ACSS3: variants seen among roughly 807,000 people sequenced by gnomAD.
The protein encoded by ACSS3 is acyl-CoA synthetase short-chain family member 3, mitochondrial.
Under a neutral mutation model 84.2 loss-of-function variants are expected in ACSS3, and 64 were observed. The observed-to-expected ratio is 0.76, with a 90% CI of 0.62 to 0.94. ACSS3 has a LOEUF of 0.94. Ranked by LOEUF, ACSS3 falls within the 40% of genes least tolerant of loss-of-function variation. The pLI is 0.00. For synonymous variants in ACSS3, 317 were observed against 310.1 expected (o/e 1.02, Z -0.23); for missense variants, 815 against 867.6 (o/e 0.94, Z 0.76).
intron 1 of ACSS3, among the ~76,000 whole-genome samples, chr12:81,097,022 G>A (rs186688435): frequency 6.6e-6 from 1 of 152,218 alleles, no homozygotes; most frequent in Non-Finnish European, 1.5e-5. Flanking sequence ...AGCCAAGTGT[G>A]GCTATTGAGC....
chr12:81,108,603 C>T (rs1883292100), intron 1 of ACSS3, among the ~76,000 whole-genome samples: 1 of 152,092 alleles, frequency 6.6e-6, no homozygotes, highest in Non-Finnish European at 1.5e-5. Flanking sequence ...TTTAATGCTG[C>T]CACTGTATCT....
chr12:81,211,092 CAAT>C (rs2032572852), intron 9 of ACSS3, among the ~76,000 whole-genome samples: 1 of 151,898 alleles, frequency 6.6e-6, no homozygotes, highest in Non-Finnish European at 1.5e-5. Context: ...TCAGCCTGCC[CAAT>C]AGCTGGGACT....
intron 2 of ACSS3, among the ~76,000 whole-genome samples, chr12:81,114,724 T>C (rs1009043066): frequency 6.6e-6 from 1 of 152,164 alleles, no homozygotes; most frequent in Non-Finnish European, 1.5e-5. Context: ...ATAGAAGTTA[T>C]AGTCGTTCAT....
intron 7 of ACSS3, among the ~76,000 whole-genome samples, chr12:81,159,428 T>C (rs929753190): frequency 6.6e-6 from 1 of 152,232 alleles, no homozygotes; most frequent in Non-Finnish European, 1.5e-5. Flanking sequence ...CTTTTATCAA[T>C]GGAATTGGAC....
intron 4 of ACSS3, among the ~76,000 whole-genome samples, chr12:81,140,148 T>C (rs1360392195): frequency 1.3e-5 from 2 of 152,212 alleles, no homozygotes; most frequent in African/African-American, 4.8e-5. Context: ...TGCAATTGTC[T>C]TCTTAAAATT....
intron 3 of ACSS3, among the ~76,000 whole-genome samples, chr12:81,135,480 A>T (rs1031506446): frequency 1.3e-5 from 2 of 148,534 alleles, no homozygotes; most frequent in Non-Finnish European, 3.0e-5. Context: ...ACACACACAC[A>T]CACCATGGAA....
intron 9 of ACSS3, among the ~76,000 whole-genome samples, chr12:81,209,542 G>C (rs1320696886): frequency 1.3e-5 from 2 of 152,112 alleles, no homozygotes; most frequent in Non-Finnish European, 2.9e-5. Flanking sequence ...AGTATTCAGT[G>C]ATGAATTTGT....
chr12:81,195,087 T>C (rs1276079343), intron 8 of ACSS3, among the ~76,000 whole-genome samples: 1 of 152,040 alleles, frequency 6.6e-6, no homozygotes, highest in African/African-American at 2.4e-5. Context: ...TTAACAGGCA[T>C]TGGAAATGTG....
rs767084548 is a variant in ACSS3 at position 81,080,180 on chromosome 12, A to G, written c.311+1749A>G. Among the ~76,000 whole-genome samples, 3 of 152,154 alleles carry G rather than the reference A, an allele frequency of 2.0e-5. No homozygotes were observed. In the East Asian group the frequency reaches 5.8e-4, roughly 29 times the overall value. ...GAGGGCCAGACCTAAGGCAGTGGCA[A>G]TAAGAATGGAGGAGAAAGGACAGAT... On this transcript the variant is annotated intron_variant, in intron 1 of 15. Coordinates refer to ENST00000548058, the MANE Select transcript of ACSS3 (RefSeq NM_024560.4).
At chr12:81,168,848 T>C (rs2135803704) in intron 7 of ACSS3, among the ~76,000 whole-genome samples, 1 of 152,318 alleles carries the variant, frequency 6.6e-6, no homozygotes, top group East Asian at 1.9e-4. Context: ...AAACAGCTAG[T>C]GTTACATTCT....
At chr12:81,231,012 A>T (rs1440912585) in intron 11 of ACSS3, 45 bp from the exon 12 acceptor site, 1 of 1,418,468 alleles carries the variant, frequency 7.0e-7, no homozygotes, top group Non-Finnish European at 9.9e-7. Flanking sequence ...ACCTGTCTTT[A>T]TTACCACTTT....
At chr12:81,137,787 CTA>C (rs1370698859) in intron 3 of ACSS3, among the ~76,000 whole-genome samples, 3 of 151,734 alleles carry the variant, frequency 2.0e-5, no homozygotes, top group Non-Finnish European at 4.4e-5. Flanking sequence ...CTATCTAGAG[CTA>C]TTTTTGTGAG....
intron 11 of ACSS3, among the ~76,000 whole-genome samples, chr12:81,223,059 C>A (rs2033161720): frequency 6.6e-6 from 1 of 152,026 alleles, no homozygotes; most frequent in South Asian, 2.1e-4. Context: ...AACTATGAGT[C>A]AGTAATTTCC....
chr12:81,131,044 T>A (rs1269899505), intron 2 of ACSS3, among the ~76,000 whole-genome samples: 4 of 152,224 alleles, frequency 2.6e-5, no homozygotes, highest in African/African-American at 9.6e-5. Context: ...TGTAGTATAG[T>A]TTGAAGTCAG....
intron 3 of ACSS3, among the ~76,000 whole-genome samples, chr12:81,135,739 C>T (rs1885767439): frequency 6.6e-6 from 1 of 151,860 alleles, no homozygotes; most frequent in Non-Finnish European, 1.5e-5. Flanking sequence ...ATTTGGGTGA[C>T]AAGTACCCTA....
intron 8 of ACSS3, among the ~76,000 whole-genome samples, chr12:81,180,102 C>T (rs1008544752): frequency 2.2e-4 from 34 of 152,170 alleles, no homozygotes; most frequent in African/African-American, 7.5e-4. Flanking sequence ...AGGTGTAGAC[C>T]ATTATCCTAA....
chr12:81,205,134 C>T (rs1255133265), intron 9 of ACSS3, among the ~76,000 whole-genome samples: 2 of 152,116 alleles, frequency 1.3e-5, no homozygotes, highest in Non-Finnish European at 1.5e-5. Flanking sequence ...AACTCTTCCT[C>T]CTTTGGGGAA....
chr12:81,129,248 C>T (rs1440617876), intron 2 of ACSS3, among the ~76,000 whole-genome samples: 1 of 152,110 alleles, frequency 6.6e-6, no homozygotes, highest in Non-Finnish European at 1.5e-5. Flanking sequence ...GTATGTATCA[C>T]ACTTTCTGTA....
chr12:81,231,511 G>T (rs553964051), intron 12 of ACSS3, among the ~76,000 whole-genome samples: 3 of 151,890 alleles, frequency 2.0e-5, no homozygotes, highest in Non-Finnish European at 2.9e-5. Flanking sequence ...ATTATATAAT[G>T]CCATTAGGAC....
Sources: gnomAD v4.1 joint callset for allele counts (sites outside exome capture counted in the v4.1 genomes callset) on GRCh38, gnomAD v4.1.1 for gene constraint, MANE v1.5 for transcripts, NCBI Gene and HGNC (gene_info 2026-07-23, HGNC 2026-07-21) for gene names.